Variants in CCR4 observed in about 807,000 individuals in gnomAD.
The protein encoded by CCR4 is C-C motif chemokine receptor 4, also known as C-C chemokine receptor type 4.
CCR4 carries 9 observed loss-of-function variants against 17.1 expected under a neutral mutation model. The ratio of observed to expected loss-of-function variants is 0.53; its 90% CI spans 0.32 to 0.92. The LOEUF (loss-of-function observed/expected upper bound fraction) is 0.92. CCR4 is among the 40% of genes least tolerant of loss of function. The probability of loss-of-function intolerance (pLI) is 0.04; values close to 1 mark genes in which losing one functional copy is unlikely to be tolerated. For synonymous variants in CCR4, 217 were observed against 174.3 expected (o/e 1.24, Z -1.93); for missense variants, 385 against 433.9 (o/e 0.89, Z 1.00).
Position 32,953,400 on chromosome 3 carries a change from TGAG to T in CCR4, c.-19_-17del. On this transcript the variant is annotated 5_prime_UTR_variant, in exon 2 of 2. Transcript: ENST00000330953. ...CTTCTGGTTGGGCCCAGACCTGCCTTGAGGAGCCTGTAGAGTTAAAAAATGAAC... is the reference window on the plus strand; with the variant it reads ...CTTCTGGTTGGGCCCAGACCTGCCTTGAGCCTGTAGAGTTAAAAAATGAAC... 1 of 1,570,800 alleles carries T rather than the reference TGAG, an allele frequency of 6.4e-7. No individual in the cohort carries two copies. The highest frequency in any genetic ancestry group is 8.6e-7 in the Non-Finnish European group (1 of 1,161,322).
At position 32,955,069 on chromosome 3, in the gene CCR4, T is replaced by C. The variant is rs1253089280; in HGVS notation, c.*564T>C. On this transcript the variant is annotated 3_prime_UTR_variant, in exon 2 of 2. Coordinates refer to ENST00000330953, the MANE Select transcript of CCR4 (RefSeq NM_005508.5). ...TTTATTGTAAAGGATTATCTGTTAA[T>C]TGAAACCAAACTTTTTATACTGATA... 3.0e-5 allele frequency: 5 copies of C among 167,182 alleles called. No homozygotes were observed. Among genetic ancestry groups the C allele is most frequent in the African/African-American group, 1.2e-4 (5 of 41,452 alleles). The allele number at this position is 167,182 out of a possible 1,614,324, so 10.4% of individuals were successfully genotyped here. A position where few individuals can be genotyped will look rare whatever the true frequency, so the allele number is the denominator to read the frequency against.
rs1338902877 is a variant in CCR4, at chr3:32,954,579, A to G, written c.*74A>G. ...GCTTACTTAAAATTGTATTTTAGTA[A>G]GAGATTCCTGAGCCAGTGTCAGGAG... On this transcript the variant is annotated 3_prime_UTR_variant, in exon 2 of 2. Transcript: ENST00000330953. 7.0e-7 allele frequency: 1 copy of G among 1,434,296 alleles called. No individual in the cohort carries two copies. Among genetic ancestry groups the G allele is most frequent in the Non-Finnish European group, 9.2e-7 (1 of 1,083,238 alleles). The allele number at this position is 1,434,296 out of a possible 1,614,324, so 88.8% of individuals were successfully genotyped here.
Position 32,954,507 on chromosome 3 carries a change from AAAATG to A in CCR4, c.*8_*12del. ...CATGATCTCCATGATGCTCTGTAGA[AAAATG>A]AAATGGTGAAATGCAGAGTCAATGA... On this transcript the variant is annotated 3_prime_UTR_variant, in exon 2 of 2. Coordinates refer to ENST00000330953, the MANE Select transcript of CCR4 (RefSeq NM_005508.5). 2 of 1,516,118 alleles carry A rather than the reference AAAATG, an allele frequency of 1.3e-6. No individual in the cohort carries two copies. Among genetic ancestry groups the A allele is most frequent in the Non-Finnish European group, 1.8e-6 (2 of 1,135,074 alleles). 93.9% of individuals were successfully genotyped at this position (1,516,118 alleles called of 1,614,324 possible).
chr3:32,953,685 T>TGGTG lies in CCR4; in HGVS notation c.263_264insGGTG (p.Phe88LeufsTer48). 1 of 1,614,124 alleles carries TGGTG rather than the reference T, an allele frequency of 6.2e-7. No homozygotes were observed. ...AACCTTGCCATCTCGGATCTGCTCT[T>TGGTG]CGTGTTTTCCCTCCCTTTTTGGGGC... On this transcript the variant is annotated frameshift_variant, in exon 2 of 2. Coordinates refer to ENST00000330953, the MANE Select transcript of CCR4 (RefSeq NM_005508.5). LOFTEE classifies it high-confidence loss of function.
chr3:32,955,753 G>T lies in CCR4; in HGVS notation c.*1248G>T. The stretch of plus-strand genomic sequence containing the variant: ...GCCTCCCAAGTAGGTGGGACTACAG[G>T]CACCTGCCCCCATGCCTGGCTAATT... On this transcript the variant is annotated 3_prime_UTR_variant, in exon 2 of 2. Transcript: ENST00000330953. 1 of 160,126 alleles carries T rather than the reference G, an allele frequency of 6.2e-6. No homozygotes were observed. 9.9% of individuals were successfully genotyped at this position (160,126 alleles called of 1,614,324 possible).
In CCR4 at chr3:32,953,782, C is replaced by CT; in HGVS notation, c.364dup (p.Tyr122LeufsTer13). 1 of 1,614,026 alleles carries CT rather than the reference C, an allele frequency of 6.2e-7. No individual in the cohort carries two copies. The highest frequency in any genetic ancestry group is 8.5e-7 in the Non-Finnish European group (1 of 1,180,028). ...TGATTTCCTGGATGTACTTGGTGGG[C>CT]TTTTACAGTGGCATATTCTTTGTCA... On this transcript the variant is annotated frameshift_variant, in exon 2 of 2. Transcript: ENST00000330953. LOFTEE classifies it high-confidence loss of function.
rs1040940123 is a variant in CCR4 at position 32,954,841 on chromosome 3, T to C, written c.*336T>C. On this transcript the variant is annotated 3_prime_UTR_variant, in exon 2 of 2. Coordinates refer to ENST00000330953, the MANE Select transcript of CCR4 (RefSeq NM_005508.5). ...CTTCTAACCTGAACTGATGGGTTTC[T>C]CCAGAGGGAATTGCAGAGTACTGGC... is the stretch of plus-strand genomic sequence containing the variant. The C allele has an allele frequency of 4.5e-6, 1 of 222,948 alleles. No homozygotes were observed. The highest frequency in any genetic ancestry group is 5.2e-5 in the Admixed American group (1 of 19,266). The allele number at this position is 222,948 out of a possible 1,614,324, so 13.8% of individuals were successfully genotyped here.
In CCR4 at chr3:32,953,592, A is replaced by C; in HGVS notation, c.170A>C (p.Asn57Thr). ...GTTTTTGTATTTGGTCTGCTTGGAA[A>C]TTCTGTGGTGGTTCTGGTCCTGTTC... ...SLVFVFGLLG[N>T]SVVVLVLFKY... The change falls in exon 2 of 2, where the codon AAT becomes ACT. Residue 57 changes from asparagine (N) to threonine (T), a missense_variant. Physicochemically the swap from Asn to Thr is moderately conservative, Grantham distance 65 (BLOSUM62 0). Coordinates refer to ENST00000330953, the MANE Select transcript of CCR4 (RefSeq NM_005508.5). 6.2e-7 allele frequency: 1 copy of C among 1,613,898 alleles called. No homozygotes were observed. The highest frequency in any genetic ancestry group is 8.5e-7 in the Non-Finnish European group (1 of 1,180,010).
At chr3:32,952,649 G>A (rs943905595) in intron 1 of CCR4, among the ~76,000 whole-genome samples, 3 of 152,164 alleles carry the variant, frequency 2.0e-5, no homozygotes, top group Non-Finnish European at 4.4e-5. Flanking sequence ...ATTTACTGAC[G>A]AATGTGAAAA....
Position 32,954,625 on chromosome 3 carries a change from G to GA in CCR4, c.*123dup. The GA allele has an allele frequency of 9.1e-7, 1 of 1,104,390 alleles. No homozygotes were observed. The highest frequency in any genetic ancestry group is 2.2e-5 in the South Asian group (1 of 45,630). The allele number at this position is 1,104,390 out of a possible 1,614,324, so 68.4% of individuals were successfully genotyped here. On this transcript the variant is annotated 3_prime_UTR_variant, in exon 2 of 2. Coordinates refer to ENST00000330953, the MANE Select transcript of CCR4 (RefSeq NM_005508.5). ...AGGAGGAAGGCTTACACCCACAGTG[G>GA]AAAGACAGCTTCTCATCCTGCAGGC...
chr3:32,953,902 T>C lies in CCR4; in HGVS notation c.480T>C (p.Ala160=), dbSNP rs747398963. 1.2e-5 allele frequency: 19 copies of C among 1,614,024 alleles called. 1 individual carries two copies. In the South Asian group the frequency reaches 2.1e-4, roughly 18 times the overall value. The part of the protein sequence containing the change: ...TLTYGVITSL[A]TWSVAVFASL... ...CTTATGGGGTCATCACCAGTTTGGC[T>C]ACATGGTCAGTGGCTGTGTTCGCCT... Residue 160 remains alanine, a synonymous_variant, in exon 2 of 2, where the codon GCT becomes GCC. Coordinates refer to ENST00000330953, the MANE Select transcript of CCR4 (RefSeq NM_005508.5).
At chr3:32,951,822 C>T (rs1697677658) in intron 1 of CCR4, 132 bp downstream of exon 1, 1 of 152,586 alleles carries the variant, frequency 6.6e-6, no homozygotes, top group Non-Finnish European at 1.5e-5. Context: ...ACACCTTCTA[C>T]CTGTCCCCAC....
Position 32,954,328 on chromosome 3 carries a change from C to T in CCR4, c.906C>T (p.Ile302=). ...TTGTTCACTGCTGCCTTAATCCCAT[C>T]ATCTACTTTTTTCTGGGGGAGAAAT... The part of the protein sequence containing the change: ...LAFVHCCLNP[I]IYFFLGEKFR... The change falls in exon 2 of 2, where the codon ATC becomes ATT. Residue 302 remains isoleucine (I), a synonymous_variant. Transcript: ENST00000330953. 6.2e-7 allele frequency: 1 copy of T among 1,614,100 alleles called. No homozygotes were observed. Among genetic ancestry groups the T allele is most frequent in the Non-Finnish European group, 8.5e-7 (1 of 1,179,996 alleles).
At chr3:32,951,992 CCA>C (rs1249769471) in intron 1 of CCR4, among the ~76,000 whole-genome samples, 4 of 152,162 alleles carry the variant, frequency 2.6e-5, no homozygotes, top group African/African-American at 9.7e-5. Context: ...GCAAGAAATA[CCA>C]CACACGCAAG....
rs1419878513 is a variant in CCR4, at chr3:32,954,546, C to T, written c.*41C>T. 1.3e-6 allele frequency: 2 copies of T among 1,490,500 alleles called. No individual in the cohort carries two copies. Among genetic ancestry groups the T allele is most frequent in the Non-Finnish European group, 8.9e-7 (1 of 1,123,222 alleles). 92.3% of individuals were successfully genotyped at this position (1,490,500 alleles called of 1,614,324 possible). ...AAATGCAGAGTCAATGAACTTTCCA[C>T]ATTCAGAGCTTACTTAAAATTGTAT... On this transcript the variant is annotated 3_prime_UTR_variant, in exon 2 of 2. Coordinates refer to ENST00000330953, the MANE Select transcript of CCR4 (RefSeq NM_005508.5).
chr3:32,954,334 CT>C lies in CCR4; in HGVS notation c.918del (p.Leu307TrpfsTer60). ...ACTGCTGCCTTAATCCCATCATCTACTTTTTTCTGGGGGAGAAATTTCGCAA... is the reference window on the plus strand; with the variant it reads ...ACTGCTGCCTTAATCCCATCATCTACTTTTTCTGGGGGAGAAATTTCGCAA... ...VHCCLNPIIYFFLGEKFRKYI... is the reference protein window; with the variant it reads ...VHCCLNPIIYXFLGEKFRKYI... On this transcript the variant is annotated frameshift_variant, in exon 2 of 2. Transcript: ENST00000330953. LOFTEE classifies it high-confidence loss of function. The C allele has an allele frequency of 6.2e-7, 1 of 1,614,086 alleles. No homozygotes were observed.
At position 32,954,010 on chromosome 3, in the gene CCR4, G is replaced by A. The variant is rs138870584; in HGVS notation, c.588G>A (p.Thr196=). 45 of 1,614,090 alleles carry A rather than the reference G, an allele frequency of 2.8e-5. No individual in the cohort carries two copies. The African/African-American group carries it at 3.2e-4, about 11-fold the overall frequency. ...YCKTKYSLNS[T]TWKVLSSLEI... is the part of the protein sequence containing the mutation. ...AAACCAAGTACTCTCTCAACTCCACGACGTGGAAGGTTCTCAGCTCCCTGG... is the reference window on the plus strand; with the variant it reads ...AAACCAAGTACTCTCTCAACTCCACAACGTGGAAGGTTCTCAGCTCCCTGG... The change falls in exon 2 of 2, where the codon ACG becomes ACA. Residue 196 remains threonine, a synonymous_variant. Coordinates refer to ENST00000330953, the MANE Select transcript of CCR4 (RefSeq NM_005508.5).
At position 32,954,046 on chromosome 3, in the gene CCR4, T is replaced by G. The variant is rs542798231; in HGVS notation, c.624T>G (p.Ile208Met). The change falls in exon 2 of 2, where the codon ATT becomes ATG. Residue 208 changes from isoleucine (I) to methionine (M), a missense_variant. Physicochemically the swap from Ile to Met is conservative, Grantham distance 10 (BLOSUM62 1). Coordinates refer to ENST00000330953, the MANE Select transcript of CCR4 (RefSeq NM_005508.5). ...TTCTCAGCTCCCTGGAAATCAACATTCTCGGATTGGTGATCCCCTTAGGGA... is the reference window on the plus strand; with the variant it reads ...TTCTCAGCTCCCTGGAAATCAACATGCTCGGATTGGTGATCCCCTTAGGGA... ...WKVLSSLEINILGLVIPLGIM... is the reference protein window; with the variant it reads ...WKVLSSLEINMLGLVIPLGIM... 1.1e-5 allele frequency: 18 copies of G among 1,614,130 alleles called. No individual in the cohort carries two copies. The African/African-American group carries it at 2.0e-4, about 18-fold the overall frequency.
Position 32,954,558 on chromosome 3 carries a change from AC to A in CCR4, c.*54del. On this transcript the variant is annotated 3_prime_UTR_variant, in exon 2 of 2. Coordinates refer to ENST00000330953, the MANE Select transcript of CCR4 (RefSeq NM_005508.5). ...AATGAACTTTCCACATTCAGAGCTT[AC>A]TTAAAATTGTATTTTAGTAAGAGAT... The A allele has an allele frequency of 6.8e-7, 1 of 1,479,686 alleles. No individual in the cohort carries two copies. Among genetic ancestry groups the A allele is most frequent in the Non-Finnish European group, 9.0e-7 (1 of 1,116,710 alleles). The allele number at this position is 1,479,686 out of a possible 1,614,324, so 91.7% of individuals were successfully genotyped here.
Sources: gnomAD v4.1 joint callset for allele counts (sites outside exome capture counted in the v4.1 genomes callset) on GRCh38, gnomAD v4.1.1 for gene constraint, MANE v1.5 for transcripts, NCBI Gene and HGNC (gene_info 2026-07-23, HGNC 2026-07-21) for gene names.